The following SNTG1 variants were observed in gnomAD, a reference collection of about 807,000 sequenced individuals.
The protein encoded by SNTG1 is syntrophin gamma 1.
SNTG1 carries 39 observed loss-of-function variants against 74.7 expected under a neutral mutation model. The ratio of observed to expected loss-of-function variants is 0.52; its 90% confidence interval spans 0.40 to 0.68. The LOEUF (loss-of-function observed/expected upper bound fraction) is 0.68. Among genes scored for constraint, SNTG1 ranks in the 30% least tolerant of loss-of-function variants. The pLI, the probability that SNTG1 is intolerant of heterozygous loss-of-function variation, is 0.00. For synonymous variants in SNTG1, 254 were observed against 217.1 expected, an observed-to-expected ratio of 1.17 and a Z score of -1.49; for missense variants, 685 against 609.5, an observed-to-expected ratio of 1.12 and a Z score of -1.30.
At chr8:50,689,803 G>C (rs924382979) in intron 15 of SNTG1, among the ~76,000 whole-genome samples, 1 of 152,098 alleles carries the variant, frequency 6.6e-6, no homozygotes, top group Non-Finnish European at 1.5e-5. Context: ...CTATTGATTC[G>C]GATAGTTTCA....
At chr8:50,600,728 TA>T (rs1467398935) in intron 13 of SNTG1, among the ~76,000 whole-genome samples, 1 of 151,964 alleles carries the variant, frequency 6.6e-6, no homozygotes, top group Non-Finnish European at 1.5e-5. Context: ...TTTATCTGTT[TA>T]AAAAACAACT....
At chr8:50,703,194 G>A (rs887720572) in intron 15 of SNTG1, among the ~76,000 whole-genome samples, 8 of 151,910 alleles carry the variant, frequency 5.3e-5, no homozygotes, top group Admixed American at 2.6e-4. Flanking sequence ...TTCAACTTTG[G>A]CCTTTTTTGT....
At chr8:50,252,287 T>C (rs2086677864) in intron 2 of SNTG1, among the ~76,000 whole-genome samples, 1 of 152,014 alleles carries the variant, frequency 6.6e-6, no homozygotes, top group Non-Finnish European at 1.5e-5. Context: ...AACCTAATTG[T>C]ATAACTCAAG....
intron 2 of SNTG1, among the ~76,000 whole-genome samples, chr8:50,213,033 A>G (rs1450130): frequency 0.02 from 3,040 of 152,256 alleles, 76 homozygotes; most frequent in African/African-American, 0.056. Context: ...TAAACTACTC[A>G]TATTTTATTG....
chr8:50,367,449 T>A (rs780683111), intron 2 of SNTG1, among the ~76,000 whole-genome samples: 35 of 152,146 alleles, frequency 2.3e-4, no homozygotes, highest in Non-Finnish European at 4.1e-4. Context: ...CATTAGATTT[T>A]AACCCTGCAT....
chr8:50,542,010 T>C (rs2094350719), intron 11 of SNTG1, among the ~76,000 whole-genome samples: 1 of 150,914 alleles, frequency 6.6e-6, no homozygotes, highest in African/African-American at 2.4e-5. Context: ...CATTTTGTTT[T>C]TCATGGATGA....
chr8:50,101,229 C>T (rs1341228566), intron 1 of SNTG1, among the ~76,000 whole-genome samples: 2 of 152,064 alleles, frequency 1.3e-5, no homozygotes, highest in African/African-American at 4.8e-5. Flanking sequence ...GATAATAGGG[C>T]TGCAATGAAC....
intron 8 of SNTG1, among the ~76,000 whole-genome samples, chr8:50,481,508 T>C (rs1431533771): frequency 1.3e-5 from 2 of 152,228 alleles, no homozygotes; most frequent in Non-Finnish European, 2.9e-5. Flanking sequence ...CTCTGTATAT[T>C]CAAGGAATGT....
At chr8:50,446,978 A>C (rs2093413631) in intron 5 of SNTG1, among the ~76,000 whole-genome samples, 1 of 152,172 alleles carries the variant, frequency 6.6e-6, no homozygotes, top group South Asian at 2.1e-4. Flanking sequence ...AACAATAACT[A>C]ATAATAAAAT....
intron 5 of SNTG1, among the ~76,000 whole-genome samples, chr8:50,444,691 A>G (rs1329999183): frequency 6.6e-6 from 1 of 150,784 alleles, no homozygotes; most frequent in Non-Finnish European, 1.5e-5. Flanking sequence ...CAGAGGTTGC[A>G]GTGAGCCAAG....
intron 1 of SNTG1, among the ~76,000 whole-genome samples, chr8:49,917,907 G>T (rs1384252838): frequency 6.6e-6 from 1 of 152,112 alleles, no homozygotes; most frequent in East Asian, 1.9e-4. Flanking sequence ...AGAACAAAAC[G>T]TGAGAACTGA....
chr8:50,404,979 A>T (rs886837858), intron 4 of SNTG1, among the ~76,000 whole-genome samples: 4 of 152,102 alleles, frequency 2.6e-5, no homozygotes, highest in African/African-American at 9.6e-5. Flanking sequence ...AGCATATATC[A>T]GAATTTCATT....
intron 2 of SNTG1, among the ~76,000 whole-genome samples, chr8:50,249,955 C>CTCTAGCAACAGA (rs1245279398): frequency 6.6e-6 from 1 of 151,608 alleles, no homozygotes; most frequent in African/African-American, 2.4e-5. Flanking sequence ...GGTTCTTTGT[C>CTCTAGCAACAGA]TCTAGCAACA....
chr8:49,957,405 C>T lies in SNTG1; in HGVS notation c.-103+45174C>T, dbSNP rs181573258. The stretch of plus-strand genomic sequence containing the variant: ...ATTATTAACTACAGTTGTTGTTTAT[C>T]TTTATGTTCCTTTACTTCATTATTG... On this transcript the variant is annotated intron_variant, in intron 1 of 18. Coordinates refer to ENST00000642720, the MANE Select transcript of SNTG1 (RefSeq NM_018967.5). Among the ~76,000 whole-genome samples the T allele has an allele frequency of 5.2e-4, 79 of 152,236 alleles. 1 individual carries two copies. In the East Asian group the frequency reaches 0.014, roughly 27 times the overall value.
At chr8:50,694,700 A>C (rs2095397125) in intron 15 of SNTG1, among the ~76,000 whole-genome samples, 1 of 152,080 alleles carries the variant, frequency 6.6e-6, no homozygotes, top group East Asian at 1.9e-4. Flanking sequence ...TAGCCAACCA[A>C]ATTCAACAAC....
intron 17 of SNTG1, among the ~76,000 whole-genome samples, chr8:50,748,705 C>A (rs1380409053): frequency 6.6e-6 from 1 of 151,734 alleles, no homozygotes; most frequent in Non-Finnish European, 1.5e-5. Flanking sequence ...TGTTTCAAAG[C>A]TTTTTAAATT....
At chr8:49,956,306 A>C (rs941723135) in intron 1 of SNTG1, among the ~76,000 whole-genome samples, 4 of 152,254 alleles carry the variant, frequency 2.6e-5, no homozygotes, top group African/African-American at 9.6e-5. Context: ...CCTAAAACAA[A>C]CAACCCAAAC....
At chr8:50,113,172 T>A (rs985546446) in intron 1 of SNTG1, among the ~76,000 whole-genome samples, 5 of 152,172 alleles carry the variant, frequency 3.3e-5, no homozygotes, top group African/African-American at 1.2e-4. Flanking sequence ...TGGCATTGAA[T>A]CTATAAATTA....
intron 17 of SNTG1, among the ~76,000 whole-genome samples, chr8:50,725,183 A>G (rs1298250955): frequency 2.6e-5 from 4 of 152,200 alleles, no homozygotes; most frequent in African/African-American, 9.6e-5. Context: ...TATTTGGGCG[A>G]CGTTTTGTTT....
Sources: allele counts gnomAD v4.1 joint callset (sites outside exome capture counted in the v4.1 genomes callset), GRCh38; gene constraint gnomAD v4.1.1; transcripts MANE v1.5; gene names NCBI Gene and HGNC (gene_info 2026-07-23, HGNC 2026-07-21).